The following ZNF717 variants were observed in gnomAD, a reference collection of about 807,000 sequenced individuals.
ZNF717 encodes krueppel-like factor X17.
In ZNF717, 9 loss-of-function variants were observed where a neutral mutation model predicts 13.8. The observed-to-expected ratio is 0.65, with a 90% CI of 0.39 to 1.14. ZNF717 has a LOEUF of 1.14. Among genes scored for constraint, ZNF717 ranks in the 50% most tolerant of loss-of-function variants. ZNF717 has a pLI of 0.01. For synonymous variants in ZNF717, 327 were observed against 364.1 expected (o/e 0.90, Z 1.16); for missense variants, 1,040 against 1,080.7 (o/e 0.96, Z 0.53).
intron 6 of ZNF717, among the ~76,000 whole-genome samples, chr3:75,701,729 T>C (rs77389206): frequency 4.9e-4 from 75 of 152,326 alleles, no homozygotes; most frequent in African/African-American, 1.7e-3. Flanking sequence ...TATTTTTTTA[T>C]AGCAGTGCAG....
At chr3:75,754,815 G>T (rs1942330914) in intron 2 of ZNF717, among the ~76,000 whole-genome samples, 1 of 152,140 alleles carries the variant, frequency 6.6e-6, no homozygotes. Context: ...ATTAATGTCA[G>T]ACACCAAACC....
At chr3:75,770,891 G>A (rs563554659) in intron 2 of ZNF717, among the ~76,000 whole-genome samples, 4 of 152,272 alleles carry the variant, frequency 2.6e-5, no homozygotes, top group Admixed American at 1.3e-4. Flanking sequence ...ACTGCAGGGC[G>A]GGATGAACAG....
chr3:75,712,062 C>T (rs1937949689), intron 5 of ZNF717, among the ~76,000 whole-genome samples: 2 of 152,170 alleles, frequency 1.3e-5, no homozygotes, highest in East Asian at 1.9e-4. Flanking sequence ...TATATTTCAC[C>T]ATCAGGACAT....
At chr3:75,707,651 C>T (rs1280379750), downstream of ZNF717, among the ~76,000 whole-genome samples, 3 of 152,200 alleles carry the variant, frequency 2.0e-5, no homozygotes, top group Non-Finnish European at 2.9e-5. Context: ...CAGAGTGAGG[C>T]ATTGCCTCAC....
chr3:75,709,793 C>A (rs76952552), exon 6 of ZNF717: 1 of 152,018 alleles, frequency 6.6e-6, no homozygotes, highest in Non-Finnish European at 1.5e-5. Flanking sequence ...CATTTTGATT[C>A]AGACAACTTT....
At chr3:75,699,994 G>T (rs1387870320) in intron 6 of ZNF717, among the ~76,000 whole-genome samples, 2 of 152,288 alleles carry the variant, frequency 1.3e-5, no homozygotes, top group Admixed American at 6.5e-5. Flanking sequence ...AATGAAAGAG[G>T]ACCCAAAAAT....
intron 2 of ZNF717, among the ~76,000 whole-genome samples, chr3:75,747,631 G>A (rs1365273201): frequency 6.6e-6 from 1 of 152,096 alleles, no homozygotes; most frequent in Non-Finnish European, 1.5e-5. Flanking sequence ...AAATTTGAAT[G>A]GGAGTTCACT....
chr3:75,710,403 T>C (rs1165343301), exon 6 of ZNF717: 1 of 152,256 alleles, frequency 6.6e-6, no homozygotes, highest in Non-Finnish European at 1.5e-5. Context: ...AGTCATTTTC[T>C]CATTTAACCA....
At chr3:75,752,444 C>T (rs201173408) in intron 2 of ZNF717, among the ~76,000 whole-genome samples, 14 of 101,926 alleles carry the variant, frequency 1.4e-4, no homozygotes, top group Non-Finnish European at 2.7e-4. Flanking sequence ...CACTGCTATG[C>T]GGTTCTGAAT....
chr3:75,749,314 A>G (rs3009066), intron 2 of ZNF717, among the ~76,000 whole-genome samples: 111,755 of 151,174 alleles, frequency 0.74, 41,728 homozygotes, highest in East Asian at 0.81. Context: ...TGACCCTTAC[A>G]TAGAATTCCA....
chr3:75,710,098 C>A (rs1937899542), exon 6 of ZNF717: 1 of 151,888 alleles, frequency 6.6e-6, no homozygotes, highest in Non-Finnish European at 1.5e-5. Context: ...TCTTAAAGTG[C>A]TGTACTGGTA....
At chr3:75,749,758 C>T (rs1278567453) in intron 2 of ZNF717, among the ~76,000 whole-genome samples, 7 of 151,208 alleles carry the variant, frequency 4.6e-5, no homozygotes, top group Non-Finnish European at 8.8e-5. Context: ...GACTCCAGAA[C>T]AATGCTGCTG....
At chr3:75,780,585 A>G (rs537424647) in intron 2 of ZNF717, among the ~76,000 whole-genome samples, 5 of 152,234 alleles carry the variant, frequency 3.3e-5, no homozygotes, top group Non-Finnish European at 7.3e-5. Flanking sequence ...TATTTTTAGT[A>G]GAGACGGGGT....
Position 75,736,976 on chromosome 3 carries a change from A to C in ZNF717, c.2647T>G (p.Ser883Ala), listed in dbSNP as rs1453758435. The change falls in exon 5 of 5, where the codon TCA becomes GCA. Residue 883 changes from serine (S) to alanine (A), a missense_variant. Ser to Ala is a moderately conservative substitution (Grantham distance 99). This residue lies in a region of ZNF717 where 44 missense variants were observed against 70.1 expected (regional missense o/e 0.63). Coordinates refer to ENST00000652011, the MANE Select transcript of ZNF717 (RefSeq NM_001290208.3). ...GTTTGTTGATGCCTGCTGAGGTGTG[A>C]CTTCTGGCAAAAGGTTTTCCCACAT... The part of the protein sequence containing the change: ...KECGKTFCQK[S>A]HLSRHQQTHI... 6.3e-7 allele frequency: 1 copy of C among 1,577,846 alleles called. No homozygotes were observed. Among genetic ancestry groups the C allele is most frequent in the Non-Finnish European group, 8.6e-7 (1 of 1,162,188 alleles).
In ZNF717 at chr3:75,738,601, C is replaced by T. The variant is rs1449879234; in HGVS notation, c.1022G>A (p.Cys341Tyr). 1 of 1,542,304 alleles carries T rather than the reference C, an allele frequency of 6.5e-7. No homozygotes were observed. The highest frequency in any genetic ancestry group is 8.8e-7 in the Non-Finnish European group (1 of 1,140,428). The change falls in exon 5 of 5, where the codon TGC (cysteine) becomes TAC (tyrosine). Residue 341 changes from cysteine to tyrosine, a missense_variant. Coordinates refer to ENST00000652011, the MANE Select transcript of ZNF717 (RefSeq NM_001290208.3). The stretch of plus-strand genomic sequence containing the variant: ...GCGAAAGGTTTTACCACATTCATTG[C>T]ATCCATAGGGCTTTTCCCCTGTGTG... ...RIHTGEKPYG[C>Y]NECGKTFRRK...
chr3:75,701,666 G>A (rs1438742253), intron 6 of ZNF717, among the ~76,000 whole-genome samples: 67 of 152,286 alleles, frequency 4.4e-4, no homozygotes, highest in Non-Finnish European at 7.8e-4. Flanking sequence ...CTCCAGCCTG[G>A]GCAACAGATC....
intron 2 of ZNF717, among the ~76,000 whole-genome samples, chr3:75,776,091 G>C (rs893288599): frequency 6.6e-6 from 1 of 152,248 alleles, no homozygotes; most frequent in Admixed American, 6.5e-5. Context: ...GAAACAGCTG[G>C]TATTCAAGAG....
chr3:75,717,254 T>C (rs1229983304), intron 4 of ZNF717, among the ~76,000 whole-genome samples: 580 of 147,164 alleles, frequency 3.9e-3, no homozygotes, highest in South Asian at 0.032. Context: ...GTGTGATAGG[T>C]ATGTCAACAA....
chr3:75,737,297 G>A lies in ZNF717; in HGVS notation c.2326C>T (p.His776Tyr). 2 of 1,552,914 alleles carry A rather than the reference G, an allele frequency of 1.3e-6. No homozygotes were observed. The highest frequency in any genetic ancestry group is 1.4e-5 in the African/African-American group (1 of 73,168). Residue 776 changes from histidine to tyrosine, a missense_variant, in exon 5 of 5, where the codon CAT becomes TAT. Coordinates refer to ENST00000652011, the MANE Select transcript of ZNF717 (RefSeq NM_001290208.3). Reference protein sequence around the residue: ...TFCHKSNLSTHQGTHSGEKPY... With the variant: ...TFCHKSNLSTYQGTHSGEKPY... Reference sequence around the variant, plus strand: ...TTCTCTCCTGAGTGAGTCCCCTGATGCGTACTGAGGTTTGACTTGTGACAA... The same window carrying A: ...TTCTCTCCTGAGTGAGTCCCCTGATACGTACTGAGGTTTGACTTGTGACAA...
Sources: gnomAD v4.1 joint callset for allele counts (sites outside exome capture counted in the v4.1 genomes callset) on GRCh38, gnomAD v4.1.1 for gene constraint, gnomAD v4.1.1 regional missense constraint, MANE v1.5 for transcripts, NCBI Gene and HGNC (gene_info 2026-07-23, HGNC 2026-07-21) for gene names.